MUC6: variants seen among roughly 807,000 people sequenced by gnomAD.
The protein encoded by MUC6 is mucin 6, oligomeric mucus/gel-forming (gene/pseudogene).
Under a neutral mutation model 201.5 loss-of-function variants are expected in MUC6, and 188 were observed. The observed-to-expected ratio is 0.93, with a 90% CI of 0.83 to 1.05. The LOEUF is 1.05. Among genes scored for constraint, MUC6 ranks in the 50% least tolerant of loss-of-function variants. MUC6 has a pLI of 0.00. For synonymous variants in MUC6, 1,228 were observed against 1,389.4 expected (o/e 0.88, Z 2.58); for missense variants, 2,706 against 3,256.9 (o/e 0.83, Z 4.12).
At position 1,020,542 on chromosome 11, in the gene MUC6, CTGAT is replaced by C. The variant is rs1389237880; in HGVS notation, c.3640+138_3640+141del. 2.3e-6 allele frequency: 3 copies of C among 1,304,386 alleles called. No homozygotes were observed. In the African/African-American group the frequency reaches 4.4e-5, roughly 19 times the overall value. The allele number at this position is 1,304,386 out of a possible 1,614,324, so 80.8% of individuals were successfully genotyped here. ...CTGTGGGCTGAGCTCCTCCCCAACTCTGATTGCCAGGTTAGACCTGAGAAGGGCA... is the reference window on the plus strand; with the variant it reads ...CTGTGGGCTGAGCTCCTCCCCAACTCTGCCAGGTTAGACCTGAGAAGGGCA... On this transcript the variant is annotated intron_variant, in intron 28 of 32. Coordinates refer to ENST00000421673, the MANE Select transcript of MUC6 (RefSeq NM_005961.3).
intron 7 of MUC6, 106 bp downstream of exon 7, chr11:1,030,467 A>G: frequency 7.1e-7 from 1 of 1,412,376 alleles, no homozygotes; most frequent in Non-Finnish European, 9.4e-7. Flanking sequence ...CCTGTCTCTC[A>G]GACCAGGAGG....
rs555005412 is a variant in MUC6 at position 1,016,492 on chromosome 11, C to T, written c.6309G>A (p.Pro2103=). Residue 2103 remains proline, a synonymous_variant, in exon 31 of 33, where the codon CCG becomes CCA. Coordinates refer to ENST00000421673, the MANE Select transcript of MUC6 (RefSeq NM_005961.3). ...WLPQNSSSRP[P]SSPITTQLPH... Reference sequence around the variant, plus strand: ...GGAGTTGTGTGGTGATAGGTGATGACGGTGGCCTTGAGCTAGAGTTCTGAG... The same window carrying T: ...GGAGTTGTGTGGTGATAGGTGATGATGGTGGCCTTGAGCTAGAGTTCTGAG... 4.2e-5 allele frequency: 67 copies of T among 1,607,756 alleles called. No homozygotes were observed. In the African/African-American group the frequency reaches 6.0e-4, roughly 14 times the overall value.
intron 4 of MUC6, 100 bp from the exon 5 acceptor site, chr11:1,031,359 TC>T (rs1564844993): frequency 4.1e-6 from 5 of 1,207,578 alleles, no homozygotes; most frequent in Non-Finnish European, 3.4e-6. Context: ...GCCCCCACCA[TC>T]CCCCCACCTG....
At chr11:1,014,839 C>T (rs1226940679) in intron 31 of MUC6, among the ~76,000 whole-genome samples, 1 of 152,192 alleles carries the variant, frequency 6.6e-6, no homozygotes, top group African/African-American at 2.4e-5. Flanking sequence ...CCTGCCGTCC[C>T]CAGCTGCCCT....
At position 1,028,006 on chromosome 11, in the gene MUC6, C is replaced by T. The variant is rs757459282; in HGVS notation, c.1807G>A (p.Glu603Lys). The change falls in exon 15 of 33, where the codon GAG becomes AAG. Residue 603 changes from glutamate (E) to lysine (K), a missense_variant. By Grantham distance (56) the Glu-to-Lys change is moderately conservative. Around this residue, in one of 10 missense-constraint regions of MUC6, gnomAD observed 1,850 missense variants for 1,958.3 expected, o/e 0.94. Coordinates refer to ENST00000421673, the MANE Select transcript of MUC6 (RefSeq NM_005961.3). Reference protein sequence around the residue: ...SMLLRTGTVFERCHATVNPAP... With the variant: ...SMLLRTGTVFKRCHATVNPAP... ...GGGTTCACTGTGGCGTGGCACCTCT[C>T]GAACACCGTGCCTGTCCTCAGCAGC... 40 of 1,587,134 alleles carry T rather than the reference C, an allele frequency of 2.5e-5. No homozygotes were observed. The highest frequency in any genetic ancestry group is 1.4e-4 in the East Asian group (6 of 43,232).
intron 30 of MUC6, 70 bp downstream of exon 30, chr11:1,019,205 A>G (rs1044836713): frequency 1.3e-6 from 2 of 1,494,224 alleles, no homozygotes; most frequent in Admixed American, 3.6e-5. Context: ...TGGCTGAATC[A>G]CTGAATGTGA....
At chr11:1,022,192 C>G (rs1256672896) in intron 26 of MUC6, among the ~76,000 whole-genome samples, 3 of 149,462 alleles carry the variant, frequency 2.0e-5, no homozygotes, top group Admixed American at 6.7e-5. Flanking sequence ...CCCCGCGCCC[C>G]TCACTCACTC....
rs778030117 is a variant in MUC6, at chr11:1,024,958, G to A, written c.3111C>T (p.Cys1037=). The A allele has an allele frequency of 2.4e-5, 39 of 1,612,968 alleles. 1 individual carries two copies. The highest frequency in any genetic ancestry group is 1.2e-4 in the Admixed American group (7 of 60,006). The change falls in exon 24 of 33, where the codon TGC becomes TGT. Residue 1037 remains cysteine, a synonymous_variant. Coordinates refer to ENST00000421673, the MANE Select transcript of MUC6 (RefSeq NM_005961.3). ...LVNSWKESPL[C]GDVSFVTDPC... is the part of the protein sequence containing the mutation. ...GGTCTGTCACGAAGCTCACGTCCCC[G>A]CACAGCGGGCTCTCCTTCCACGAGT...
rs1351896034 is a variant in MUC6 at position 1,035,618 on chromosome 11, G to C, written c.52+986C>G. ...CGGTTGAAGGGTGGTGCCCGGCGTG[G>C]TGGGGAAGGGGCTTCAAAGGAGAGA... On this transcript the variant is annotated intron_variant, in intron 1 of 32. Coordinates refer to ENST00000421673, the MANE Select transcript of MUC6 (RefSeq NM_005961.3). Among the ~76,000 whole-genome samples the C allele has an allele frequency of 7.9e-5, 12 of 152,140 alleles. No homozygotes were observed. In the East Asian group the frequency reaches 2.3e-3, roughly 30 times the overall value.
At chr11:1,022,356 C>T (rs979442649) in intron 26 of MUC6, among the ~76,000 whole-genome samples, 28 of 152,168 alleles carry the variant, frequency 1.8e-4, no homozygotes, top group African/African-American at 6.5e-4. Flanking sequence ...CTCCCTCTGC[C>T]CTCTGCAGCC....
At chr11:1,032,241 T>C (rs528634184) in intron 2 of MUC6, among the ~76,000 whole-genome samples, 188 bp from the exon 3 acceptor site, 6 of 152,312 alleles carry the variant, frequency 3.9e-5, no homozygotes, top group African/African-American at 1.4e-4. Flanking sequence ...TCAGCACCGC[T>C]GTGGGCATGT....
Position 1,036,648 on chromosome 11 carries a change from T to C in MUC6, c.8A>G (p.Gln3Arg), listed in dbSNP as rs1181008847. Residue 3 changes from glutamine (Q) to arginine (R), a missense_variant, in exon 1 of 33, where the codon CAG becomes CGG. Gln to Arg is a conservative substitution (Grantham distance 43, BLOSUM62 1). This residue lies in a region of MUC6 where 1,850 missense variants were observed against 1,958.3 expected (regional missense o/e 0.94). Coordinates refer to ENST00000421673, the MANE Select transcript of MUC6 (RefSeq NM_005961.3). ...GCAGCAGGACAGCAGCAGCCACCGC[T>C]GGACCATGGTGCACAGTGGAGAGGA... MV[Q>R]RWLLLSCCGA... 1.9e-6 allele frequency: 3 copies of C among 1,547,362 alleles called. No individual in the cohort carries two copies. In the Admixed American group the frequency reaches 5.9e-5, roughly 30 times the overall value.
chr11:1,029,050 C>T lies in MUC6; in HGVS notation c.1376G>A (p.Arg459Lys), dbSNP rs775457257. Reference protein sequence around the residue: ...TSLVAVVYLSRQDKIVISQDE... With the variant: ...TSLVAVVYLSKQDKIVISQDE... ...TGGGCGCAGGAAAGGCCTTACCTGC[C>T]TGGAGAGGTAGACCACAGCCACCAG... The change falls in exon 11 of 33, where the codon AGG (arginine) becomes AAG (lysine). Residue 459 changes from arginine (R) to lysine (K), a missense_variant. Physicochemically the swap from Arg to Lys is conservative, Grantham distance 26. This residue lies in a region of MUC6 where 1,850 missense variants were observed against 1,958.3 expected (regional missense o/e 0.94). Coordinates refer to ENST00000421673, the MANE Select transcript of MUC6 (RefSeq NM_005961.3). 1 of 1,612,740 alleles carries T rather than the reference C, an allele frequency of 6.2e-7. No individual in the cohort carries two copies. The highest frequency in any genetic ancestry group is 8.5e-7 in the Non-Finnish European group (1 of 1,179,798).
Position 1,016,425 on chromosome 11 carries a change from G to C in MUC6, c.6376C>G (p.Gln2126Glu). The change falls in exon 31 of 33, where the codon CAG (glutamine) becomes GAG (glutamate). Residue 2126 changes from glutamine to glutamate, a missense_variant. Physicochemically the swap from Gln to Glu is conservative, Grantham distance 29. Transcript: ENST00000421673. The part of the protein sequence containing the change: ...SATTPVSTTN[Q>E]LSSSFSPSPS... ...CTGGGAGAAAATGAGGAGGACAGCT[G>C]ATTAGTTGTGGAAACAGGAGTGGTT... is the stretch of plus-strand genomic sequence containing the variant. The C allele has an allele frequency of 1.9e-6, 3 of 1,613,866 alleles. No individual in the cohort carries two copies. The highest frequency in any genetic ancestry group is 2.5e-6 in the Non-Finnish European group (3 of 1,179,858).
intron 12 of MUC6, 43 bp from the exon 13 acceptor site, chr11:1,028,826 C>A: frequency 3.1e-6 from 5 of 1,609,318 alleles, no homozygotes; most frequent in Non-Finnish European, 4.2e-6. Flanking sequence ...GCTCCCTCCC[C>A]ACCCACTGCA....
In MUC6 at chr11:1,027,402, G is replaced by A. The variant is rs150964791; in HGVS notation, c.2097C>T (p.Asp699=). ...AGGTGCCATCGGGGCAGTTGCAACC[G>A]TCCACGGGCACGGCGCTGTGGTGGC... ...TECHHSAVPV[D]GCNCPDGTYL... is the part of the protein sequence containing the mutation. The change falls in exon 17 of 33, where the codon GAC becomes GAT. Residue 699 remains aspartate (D), a synonymous_variant. Coordinates refer to ENST00000421673, the MANE Select transcript of MUC6 (RefSeq NM_005961.3). 4.5e-4 allele frequency: 731 copies of A among 1,612,850 alleles called. 2 individuals are homozygous for A. In the African/African-American group the frequency reaches 8.7e-3, roughly 19 times the overall value.
intron 19 of MUC6, 47 bp from the exon 20 acceptor site, chr11:1,026,525 G>A (rs1392407346): frequency 1.3e-6 from 2 of 1,512,198 alleles, no homozygotes; most frequent in Admixed American, 4.2e-5. Context: ...GCCTCAGCCA[G>A]CTGCTGCCCA....
At chr11:1,029,420 C>G (rs1857049222) in intron 9 of MUC6, 54 bp from the exon 10 acceptor site, 13 of 1,596,518 alleles carry the variant, frequency 8.1e-6, no homozygotes, top group Non-Finnish European at 1.1e-5. Context: ...TGGAGCCAGA[C>G]AGCACACCCC....
In MUC6 at chr11:1,030,572, C is replaced by A. The variant is rs745746857; in HGVS notation, c.892+1G>T. On this transcript the variant is annotated splice_donor_variant, in intron 7 of 32. Coordinates refer to ENST00000421673, the MANE Select transcript of MUC6 (RefSeq NM_005961.3). LOFTEE classifies it high-confidence loss of function. ...CCTCCCTCTCCCTTCCCTGGACTCA[C>A]AGCACAGGCCGGGGCTCCGCCAGCG... The A allele has an allele frequency of 2.7e-6, 4 of 1,499,726 alleles. No homozygotes were observed. Among genetic ancestry groups the A allele is most frequent in the Non-Finnish European group, 3.6e-6 (4 of 1,124,114 alleles). The allele number at this position is 1,499,726 out of a possible 1,614,324, so 92.9% of individuals were successfully genotyped here. A position where few individuals can be genotyped will look rare whatever the true frequency, so the allele number is the denominator to read the frequency against.
Sources: gnomAD v4.1 joint callset for allele counts (sites outside exome capture counted in the v4.1 genomes callset) on GRCh38, gnomAD v4.1.1 for gene constraint, gnomAD v4.1.1 regional missense constraint, MANE v1.5 for transcripts, NCBI Gene and HGNC (gene_info 2026-07-23, HGNC 2026-07-21) for gene names.